The following PHLPP2 variants were observed in gnomAD, a reference collection of about 807,000 sequenced individuals.
PHLPP2 encodes PH domain and leucine rich repeat protein phosphatase 2, also known as PH domain leucine-rich repeat-containing protein phosphatase 2.
In PHLPP2, 66 loss-of-function variants were observed where a neutral mutation model predicts 124.9. The ratio of observed to expected loss-of-function variants is 0.53; its 90% CI spans 0.43 to 0.65. The LOEUF (loss-of-function observed/expected upper bound fraction) is 0.65. Among genes scored for constraint, PHLPP2 ranks in the 30% least tolerant of loss-of-function variants. The pLI is 0.00. For missense variants in PHLPP2, 1,685 were observed against 1,600.4 expected (o/e 1.05, Z -0.90); for synonymous variants, 681 against 624.7 (o/e 1.09, Z -1.34).
Position 71,649,712 on chromosome 16 carries a change from T to C in PHLPP2, c.3150A>G (p.Pro1050=), listed in dbSNP as rs771798945. ...CTCEMNGLTL[P]GPVGFASTTT... ...TGGTTGAAGCAAATCCCACAGGACC[T>C]GGGAGGGTGAGCCCATTCATTTCAC... The change falls in exon 19 of 19, where the codon CCA becomes CCG. Residue 1050 remains proline, a synonymous_variant. Coordinates refer to ENST00000568954, the MANE Select transcript of PHLPP2 (RefSeq NM_015020.3). The C allele has an allele frequency of 1.2e-4, 197 of 1,614,030 alleles. No homozygotes were observed. The highest frequency in any genetic ancestry group is 2.7e-4 in the Admixed American group (16 of 60,006).
In PHLPP2 at chr16:71,649,753, C is replaced by T; in HGVS notation, c.3109G>A (p.Glu1037Lys). Residue 1037 changes from glutamate (E) to lysine (K), a missense_variant, in exon 19 of 19, where the codon GAG becomes AAG. Coordinates refer to ENST00000568954, the MANE Select transcript of PHLPP2 (RefSeq NM_015020.3). ...GAMVVYLNIG[E>K]EGCTCEMNGL... is the part of the protein sequence containing the mutation. ...TTCATTTCACAAGTGCAGCCTTCCT[C>T]ACCAATATTCAAATAAACTACCATC... 6.2e-7 allele frequency: 1 copy of T among 1,614,232 alleles called. No individual in the cohort carries two copies.
chr16:71,649,306 T>C lies in PHLPP2; in HGVS notation c.3556A>G (p.Ile1186Val), dbSNP rs767063277. The change falls in exon 19 of 19, where the codon ATA becomes GTA. Residue 1186 changes from isoleucine (I) to valine (V), a missense_variant. By Grantham distance (29) the Ile-to-Val change is conservative (BLOSUM62 3). Coordinates refer to ENST00000568954, the MANE Select transcript of PHLPP2 (RefSeq NM_015020.3). Reference protein sequence around the residue: ...GRDLENSPPLIESSPTLCSEE... With the variant: ...GRDLENSPPLVESSPTLCSEE... Reference sequence around the variant, plus strand: ...GAACACAGGGTAGGAGAACTCTCTATGAGAGGGGGTGAGTTCTCCAGATCC... The same window carrying C: ...GAACACAGGGTAGGAGAACTCTCTACGAGAGGGGGTGAGTTCTCCAGATCC... 6.2e-7 allele frequency: 1 copy of C among 1,613,850 alleles called. No homozygotes were observed. The highest frequency in any genetic ancestry group is 8.5e-7 in the Non-Finnish European group (1 of 1,179,854).
Position 71,649,542 on chromosome 16 carries a change from T to C in PHLPP2, c.3320A>G (p.Asp1107Gly). 1 of 1,614,144 alleles carries C rather than the reference T, an allele frequency of 6.2e-7. No homozygotes were observed. The highest frequency in any genetic ancestry group is 8.5e-7 in the Non-Finnish European group (1 of 1,180,038). ...ASDEHNAGGL[D>G]TALLPRPERR... is the part of the protein sequence containing the mutation. ...CTCTGGCCTCGGAAGCAAGGCAGTG[T>C]CCAGGCCCCCAGCATTATGCTCATC... The change falls in exon 19 of 19, where the codon GAC (aspartate) becomes GGC (glycine). Residue 1107 changes from aspartate to glycine, a missense_variant. Transcript: ENST00000568954.
intron 3 of PHLPP2, among the ~76,000 whole-genome samples, chr16:71,696,457 T>C (rs190131469): frequency 2.4e-3 from 365 of 152,128 alleles, no homozygotes; most frequent in Non-Finnish European, 3.9e-3. Flanking sequence ...ACCAACATGG[T>C]GAAACCCTGT....
intron 7 of PHLPP2, 65 bp from the exon 8 acceptor site, chr16:71,679,050 G>T: frequency 1.1e-6 from 1 of 880,098 alleles, no homozygotes; most frequent in Non-Finnish European, 1.8e-6. Flanking sequence ...CAGAATCAGA[G>T]TTAGGGATTC....
chr16:71,701,288 CTAT>C, intron 3 of PHLPP2, among the ~76,000 whole-genome samples: 1 of 91,540 alleles, frequency 1.1e-5, no homozygotes, highest in Non-Finnish European at 2.1e-5. Context: ...ATCTATCTAT[CTAT>C]CTATCTATCT....
intron 3 of PHLPP2, among the ~76,000 whole-genome samples, chr16:71,700,089 T>C (rs1327374747): frequency 6.6e-6 from 1 of 152,142 alleles, no homozygotes; most frequent in East Asian, 1.9e-4. Flanking sequence ...CAAGAAAATA[T>C]CCTGCATCAG....
chr16:71,664,937 A>G (rs2145319602), intron 12 of PHLPP2, among the ~76,000 whole-genome samples: 1 of 152,344 alleles, frequency 6.6e-6, no homozygotes, highest in African/African-American at 2.4e-5. Context: ...TCCTAAAAAC[A>G]GAATTTGTGG....
At chr16:71,666,474 C>T (rs1342474971) in intron 12 of PHLPP2, among the ~76,000 whole-genome samples, 1 of 152,186 alleles carries the variant, frequency 6.6e-6, no homozygotes, top group Non-Finnish European at 1.5e-5. Context: ...GATTGCACCA[C>T]TGCACTCCAG....
intron 9 of PHLPP2, among the ~76,000 whole-genome samples, chr16:71,672,890 C>G (rs1162311778): frequency 6.6e-6 from 1 of 152,208 alleles, no homozygotes; most frequent in Non-Finnish European, 1.5e-5. Context: ...TTTTGCCTAT[C>G]TATGTAAACA....
intron 5 of PHLPP2, among the ~76,000 whole-genome samples, chr16:71,684,211 T>C (rs2045031345): frequency 6.8e-6 from 1 of 147,564 alleles, no homozygotes; most frequent in Non-Finnish European, 1.5e-5. Context: ...CTGCAACCTC[T>C]ACCTCCCGGA....
chr16:71,685,985 T>G (rs1315621845), intron 4 of PHLPP2, among the ~76,000 whole-genome samples: 1 of 152,100 alleles, frequency 6.6e-6, no homozygotes, highest in Admixed American at 6.5e-5. Context: ...AAAGTCCTTT[T>G]GGCCCAGCTA....
rs774558266 is a variant in PHLPP2, at chr16:71,649,376, G to A, written c.3486C>T (p.Gly1162=). 2 of 1,613,904 alleles carry A rather than the reference G, an allele frequency of 1.2e-6. No homozygotes were observed. The highest frequency in any genetic ancestry group is 1.7e-6 in the Non-Finnish European group (2 of 1,179,850). The change falls in exon 19 of 19, where the codon GGC becomes GGT. Residue 1162 remains glycine, a synonymous_variant. Transcript: ENST00000568954. ...TGTCTACTTCCACCTCTACCTTGCT[G>A]CCATTGGTTATGACCCCCTCAACGG... ...DQPVEGVITN[G]SKVEVEVDIH... is the part of the protein sequence containing the mutation.
intron 10 of PHLPP2, among the ~76,000 whole-genome samples, chr16:71,671,139 AAATTT>A (rs2044889202): frequency 6.6e-6 from 1 of 152,202 alleles, no homozygotes; most frequent in Admixed American, 6.5e-5. Flanking sequence ...GGAAAAGGTA[AAATTT>A]TAGTACTGAT....
Position 71,684,499 on chromosome 16 carries a change from G to C in PHLPP2, c.712C>G (p.Arg238Gly). The change falls in exon 5 of 19, where the codon CGA becomes GGA. Residue 238 changes from arginine to glycine, a missense_variant. By Grantham distance (125) the Arg-to-Gly change is moderately radical. Coordinates refer to ENST00000568954, the MANE Select transcript of PHLPP2 (RefSeq NM_015020.3). ...VSFETLAEYQ[R>G]WQRQASKVVS... ...ACCTTGGATGCTTGCCGTTGCCATC[G>C]CTGGTACTCGGCCAAAGTCTCGAAG... 1 of 1,613,766 alleles carries C rather than the reference G, an allele frequency of 6.2e-7. No individual in the cohort carries two copies. Among genetic ancestry groups the C allele is most frequent in the Non-Finnish European group, 8.5e-7 (1 of 1,179,898 alleles).
intron 2 of PHLPP2, among the ~76,000 whole-genome samples, chr16:71,705,313 C>T (rs1012661604): frequency 6.6e-6 from 1 of 152,112 alleles, no homozygotes; most frequent in Non-Finnish European, 1.5e-5. Context: ...CATATAAGGA[C>T]CACGTATTCA....
chr16:71,723,958 CGCGGCCCGCCGGCTCCGCCCCTCCG>C, intron 1 of PHLPP2: 2 of 328,802 alleles, frequency 6.1e-6, no homozygotes, highest in Non-Finnish European at 8.8e-6. Context: ...CCCCGCCCCC[CGCGGCCCGCCGGCTCCGCCCCTCCG>C]GCGGCTCGCC....
intron 2 of PHLPP2, among the ~76,000 whole-genome samples, chr16:71,709,456 AG>A (rs1314000373): frequency 6.6e-6 from 1 of 152,244 alleles, no homozygotes; most frequent in Non-Finnish European, 1.5e-5. Context: ...TTAAAAAAAA[AG>A]AAAAACAGTT....
In PHLPP2 at chr16:71,702,601, C is replaced by T; in HGVS notation, c.415G>A (p.Gly139Ser). ...AAAGCCACTGATAAATTCTTACCAC[C>T]ATAAAATCGAATCATACAGCCGAGG... ...PDLGCMIRFY[G>S]EKPCHMDRLD... Residue 139 changes from glycine to serine, a missense_variant, in exon 3 of 19, where the codon GGT becomes AGT. By Grantham distance (56) the Gly-to-Ser change is moderately conservative (BLOSUM62 0). Coordinates refer to ENST00000568954, the MANE Select transcript of PHLPP2 (RefSeq NM_015020.3). The T allele has an allele frequency of 6.2e-7, 1 of 1,609,356 alleles. No homozygotes were observed. The highest frequency in any genetic ancestry group is 8.5e-7 in the Non-Finnish European group (1 of 1,178,234).
Sources: allele counts gnomAD v4.1 joint callset (sites outside exome capture counted in the v4.1 genomes callset), GRCh38; gene constraint gnomAD v4.1.1; transcripts MANE v1.5; gene names NCBI Gene and HGNC (gene_info 2026-07-23, HGNC 2026-07-21).